Variants in TMEM182 observed in about 807,000 individuals in gnomAD.
TMEM182 encodes the protein transmembrane protein 182.
TMEM182 carries 20 observed loss-of-function variants against 26.8 expected under a neutral mutation model. That is an observed-to-expected ratio of 0.75 (90% confidence interval 0.53 to 1.09). TMEM182 has a LOEUF of 1.09. TMEM182 is among the 50% of genes least tolerant of loss of function. The pLI is 0.00. For missense variants in TMEM182, 277 were observed against 275.5 expected, an observed-to-expected ratio of 1.01 and a Z score of -0.04; for synonymous variants, 109 against 102.2, an observed-to-expected ratio of 1.07 and a Z score of -0.40.
At chr2:102,833,807 G>T (rs1019726402) in intron 3 of TMEM182, among the ~76,000 whole-genome samples, 2 of 152,156 alleles carry the variant, frequency 1.3e-5, no homozygotes, top group South Asian at 4.1e-4. Flanking sequence ...ATTTATATTT[G>T]TCTGATGTTT....
chr2:102,796,759 G>A (rs1442861846), intron 3 of TMEM182, among the ~76,000 whole-genome samples: 2 of 152,088 alleles, frequency 1.3e-5, no homozygotes, highest in Admixed American at 1.3e-4. Context: ...AAAAATCCGA[G>A]CCTTCCTTTT....
chr2:102,796,600 T>A (rs905558002), intron 3 of TMEM182, among the ~76,000 whole-genome samples: 4 of 152,240 alleles, frequency 2.6e-5, no homozygotes, highest in African/African-American at 7.2e-5. Context: ...TTAGTATCTC[T>A]TCACTGCCCT....
chr2:102,780,114 A>G (rs1050685312), intron 3 of TMEM182, among the ~76,000 whole-genome samples: 3 of 150,780 alleles, frequency 2.0e-5, no homozygotes, highest in Admixed American at 1.3e-4. Context: ...ATCATCTCTG[A>G]CATCTCAGCA....
At chr2:102,739,025 G>A (rs1181391655) in intron 1 of TMEM182, among the ~76,000 whole-genome samples, 3 of 152,200 alleles carry the variant, frequency 2.0e-5, no homozygotes, top group Admixed American at 6.5e-5. Flanking sequence ...GAATGTATTA[G>A]TGAGAGATGC....
chr2:102,842,052 A>G lies in TMEM182; in HGVS notation c.326-1360A>G, dbSNP rs116485084. 7.0e-3 allele frequency among the ~76,000 whole-genome samples: 1,073 copies of G among 152,294 alleles called. 14 individuals carry two copies. Among genetic ancestry groups the G allele is most frequent in the African/African-American group, 0.025 (1,031 of 41,564 alleles). ...TTCATTATCGTTCTAATATTTTAAT[A>G]TCATTTTGAATACATTCTGTTTATA... On this transcript the variant is annotated intron_variant, in intron 3 of 3. Transcript: ENST00000486293.
At chr2:102,826,421 G>A (rs1253298014) in intron 3 of TMEM182, among the ~76,000 whole-genome samples, 2 of 151,316 alleles carry the variant, frequency 1.3e-5, no homozygotes, top group Non-Finnish European at 2.9e-5. Context: ...GCTGGGATCC[G>A]ACTTCCACCA....
chr2:102,808,418 C>G (rs1029355096), intron 4 of TMEM182, among the ~76,000 whole-genome samples: 2 of 152,100 alleles, frequency 1.3e-5, no homozygotes, highest in Non-Finnish European at 2.9e-5. Flanking sequence ...TTGGATTTAG[C>G]AGGGCTGCTT....
At chr2:102,743,029 T>G (rs996997595) in intron 1 of TMEM182, among the ~76,000 whole-genome samples, 5 of 152,206 alleles carry the variant, frequency 3.3e-5, no homozygotes, top group Non-Finnish European at 7.4e-5. Context: ...TTTATTTTTC[T>G]TATTATTAAT....
chr2:102,752,090 C>T (rs1173610427), intron 1 of TMEM182, among the ~76,000 whole-genome samples: 1 of 152,274 alleles, frequency 6.6e-6, no homozygotes, highest in South Asian at 2.1e-4. Flanking sequence ...GGGCAACATA[C>T]GAATTTTAGA....
At chr2:102,771,987 G>T (rs188819980) in intron 3 of TMEM182, among the ~76,000 whole-genome samples, 1 of 152,128 alleles carries the variant, frequency 6.6e-6, no homozygotes. Context: ...TAGACATTTA[G>T]TCCCAAAACT....
chr2:102,801,366 T>A (rs1004716373), intron 4 of TMEM182, among the ~76,000 whole-genome samples: 7 of 152,144 alleles, frequency 4.6e-5, no homozygotes, highest in Non-Finnish European at 8.8e-5. Context: ...TTGAACTTTA[T>A]ACACACTTCA....
chr2:102,806,621 A>G (rs917431749), intron 4 of TMEM182, among the ~76,000 whole-genome samples: 11 of 152,176 alleles, frequency 7.2e-5, no homozygotes, highest in African/African-American at 2.4e-4. Flanking sequence ...TTCAGAGAGT[A>G]ACATTTGCTA....
intron 4 of TMEM182, among the ~76,000 whole-genome samples, chr2:102,803,720 G>T (rs1479910466): frequency 2.0e-5 from 3 of 152,180 alleles, no homozygotes; most frequent in Non-Finnish European, 2.9e-5. Context: ...GCTCGCAGAG[G>T]CTCCTCATGT....
chr2:102,799,597 T>C (rs1314802725), intron 4 of TMEM182, among the ~76,000 whole-genome samples: 1 of 152,140 alleles, frequency 6.6e-6, no homozygotes, highest in Non-Finnish European at 1.5e-5. Flanking sequence ...AAGGGCAGGA[T>C]CTAATGGTCA....
At chr2:102,801,481 G>A (rs182125587) in intron 4 of TMEM182, among the ~76,000 whole-genome samples, 2 of 152,300 alleles carry the variant, frequency 1.3e-5, no homozygotes, top group East Asian at 3.9e-4. Context: ...ATGTAACTCA[G>A]GATTACATAT....
rs528086935 is a variant in TMEM182, at chr2:102,816,863, G to A, written c.*1895G>A. The A allele has an allele frequency of 4.1e-6, 4 of 985,630 alleles. No individual in the cohort carries two copies. The highest frequency in any genetic ancestry group is 4.8e-6 in the Non-Finnish European group (4 of 829,922). 61.1% of individuals were successfully genotyped at this position (985,630 alleles called of 1,614,324 possible). A position where few individuals can be genotyped will look rare whatever the true frequency, so the allele number is the denominator to read the frequency against. On this transcript the variant is annotated 3_prime_UTR_variant, in exon 5 of 5. Coordinates refer to ENST00000412401, the MANE Select transcript of TMEM182 (RefSeq NM_144632.5). ...TTCTGGTGTACTGTATGCCATTTAA[G>A]TTTCACATACAAGCTGCTTTCGGCA...
chr2:102,810,129 T>TA lies in TMEM182; in HGVS notation c.470-4610dup, dbSNP rs80314285. On this transcript the variant is annotated intron_variant, in intron 4 of 4. Coordinates refer to ENST00000412401, the MANE Select transcript of TMEM182 (RefSeq NM_144632.5). ...TAAATAATCCAAAACACTCTCTTTT[T>TA]AAAAAAAAATACATGTAAGAGTATA... Among the ~76,000 whole-genome samples the TA allele has an allele frequency of 1.7e-3, 262 of 151,698 alleles. 3 individuals carry two copies. The East Asian group carries it at 0.042, about 24-fold the overall frequency.
At chr2:102,761,276 G>T (rs1055787501), upstream of TMEM182, among the ~76,000 whole-genome samples, 1 of 152,130 alleles carries the variant, frequency 6.6e-6, no homozygotes, top group Non-Finnish European at 1.5e-5. Flanking sequence ...TATTAAGTAT[G>T]ATTCATATTT....
chr2:102,825,901 C>T (rs925120470), intron 3 of TMEM182, among the ~76,000 whole-genome samples: 4 of 152,206 alleles, frequency 2.6e-5, no homozygotes, highest in African/African-American at 9.6e-5. Flanking sequence ...GGTGTTTAGT[C>T]TCCATGTTCT....
Sources: gnomAD v4.1 joint callset for allele counts (sites outside exome capture counted in the v4.1 genomes callset) on GRCh38, gnomAD v4.1.1 for gene constraint, MANE v1.5 for transcripts, NCBI Gene and HGNC (gene_info 2026-07-23, HGNC 2026-07-21) for gene names.